Variants in AUTS2 observed in about 807,000 individuals in gnomAD.
AUTS2 encodes the protein autism susceptibility gene 2 protein.
In AUTS2, 17 loss-of-function variants were observed where a neutral mutation model predicts 112.4. The ratio of observed to expected loss-of-function variants is 0.15; its 90% CI spans 0.10 to 0.23. The LOEUF is 0.23. Among genes scored for constraint, AUTS2 ranks in the 10% least tolerant of loss-of-function variants. The probability of loss-of-function intolerance (pLI) is 1.00; values close to 1 mark genes in which losing one functional copy is unlikely to be tolerated. For synonymous variants in AUTS2, 751 were observed against 702.7 expected (o/e 1.07, Z -1.09); for missense variants, 1,510 against 1,701.6 (o/e 0.89, Z 1.98).
At chr7:69,740,929 A>G (rs1005932634) in intron 1 of AUTS2, among the ~76,000 whole-genome samples, 11 of 152,308 alleles carry the variant, frequency 7.2e-5, no homozygotes, top group African/African-American at 2.2e-4. Context: ...ATTTTTAGGC[A>G]AAATTTAAAG....
chr7:70,077,750 G>A (rs556622010), intron 2 of AUTS2, among the ~76,000 whole-genome samples: 6 of 152,158 alleles, frequency 3.9e-5, no homozygotes, highest in African/African-American at 1.2e-4. Context: ...AAGAGTGGAA[G>A]CCATCAGGCT....
chr7:70,568,529 T>G lies in AUTS2; in HGVS notation c.691-130040T>G, dbSNP rs538911233. Among the ~76,000 whole-genome samples the G allele has an allele frequency of 2.0e-5, 3 of 152,132 alleles. No homozygotes were observed. In the East Asian group the frequency reaches 5.8e-4, roughly 29 times the overall value. On this transcript the variant is annotated intron_variant, in intron 5 of 18. Coordinates refer to ENST00000342771, the MANE Select transcript of AUTS2 (RefSeq NM_015570.4). ...GAAGAGCCAGGGCAATTGGATGCAC[T>G]TTGGGGGAAAAAAAAATCACTTGCC...
At chr7:70,020,865 C>G (rs1196654426) in intron 2 of AUTS2, among the ~76,000 whole-genome samples, 1 of 152,058 alleles carries the variant, frequency 6.6e-6, no homozygotes, top group Non-Finnish European at 1.5e-5. Flanking sequence ...GAGACAAGGT[C>G]TTGCCATTCT....
chr7:70,411,686 A>C (rs1412198013), intron 4 of AUTS2, among the ~76,000 whole-genome samples: 2 of 152,208 alleles, frequency 1.3e-5, no homozygotes, highest in East Asian at 3.8e-4. Flanking sequence ...AGATATTTTC[A>C]CAGTGTTAAT....
At chr7:70,216,960 A>G (rs1811198524) in intron 4 of AUTS2, among the ~76,000 whole-genome samples, 1 of 152,114 alleles carries the variant, frequency 6.6e-6, no homozygotes, top group Admixed American at 6.5e-5. Context: ...CCCAGGCTGG[A>G]GTGCAGTGGC....
At chr7:70,267,073 A>G (rs899924606) in intron 4 of AUTS2, among the ~76,000 whole-genome samples, 5 of 152,332 alleles carry the variant, frequency 3.3e-5, no homozygotes, top group African/African-American at 7.2e-5. Context: ...ATCAAATCAT[A>G]TCTGCTTTTT....
intron 4 of AUTS2, among the ~76,000 whole-genome samples, chr7:70,375,828 C>T (rs1157733450): frequency 6.6e-6 from 1 of 152,090 alleles, no homozygotes; most frequent in African/African-American, 2.4e-5. Context: ...CTACCTAAGT[C>T]TGTCTTTCTG....
At chr7:69,707,438 A>C (rs1234530830) in intron 1 of AUTS2, among the ~76,000 whole-genome samples, 2 of 152,200 alleles carry the variant, frequency 1.3e-5, no homozygotes, top group Non-Finnish European at 2.9e-5. Context: ...GATTGCTTGA[A>C]GGGTATGCAG....
chr7:69,932,877 T>G (rs1584461599), intron 2 of AUTS2, among the ~76,000 whole-genome samples: 1 of 152,356 alleles, frequency 6.6e-6, no homozygotes, highest in South Asian at 2.1e-4. Flanking sequence ...AGCAGAATTA[T>G]ACATGGGATG....
At chr7:69,999,353 C>T (rs76686267) in intron 2 of AUTS2, among the ~76,000 whole-genome samples, 207 of 152,260 alleles carry the variant, frequency 1.4e-3, no homozygotes, top group Non-Finnish European at 2.4e-3. Flanking sequence ...CATGCTTCAT[C>T]TGGTCCTGCT....
At chr7:70,461,784 C>T (rs922399615) in intron 5 of AUTS2, among the ~76,000 whole-genome samples, 1 of 152,166 alleles carries the variant, frequency 6.6e-6, no homozygotes. Flanking sequence ...AGTTGCCTGT[C>T]ATTTCTCAGG....
At chr7:69,701,072 C>G (rs1254363708) in intron 1 of AUTS2, among the ~76,000 whole-genome samples, 2 of 152,110 alleles carry the variant, frequency 1.3e-5, no homozygotes, top group Admixed American at 1.3e-4. Flanking sequence ...AGATGTATCA[C>G]CTCGGACAAG....
chr7:70,682,528 T>C (rs1939476059), intron 5 of AUTS2, among the ~76,000 whole-genome samples: 1 of 152,260 alleles, frequency 6.6e-6, no homozygotes, highest in Admixed American at 6.5e-5. Context: ...TTTCTCGAAC[T>C]TCAAAGTCCT....
chr7:69,977,696 T>C (rs1408292653), intron 2 of AUTS2, among the ~76,000 whole-genome samples: 1 of 152,186 alleles, frequency 6.6e-6, no homozygotes, highest in Non-Finnish European at 1.5e-5. Context: ...TTCCCTCTTT[T>C]CTGATTCTTT....
intron 4 of AUTS2, among the ~76,000 whole-genome samples, chr7:70,257,566 C>T (rs1786946979): frequency 1.3e-5 from 2 of 151,946 alleles, no homozygotes; most frequent in African/African-American, 4.8e-5. Context: ...GAGCCGACCG[C>T]CTCGACCTGC....
At chr7:70,549,016 A>G (rs1800911706) in intron 5 of AUTS2, among the ~76,000 whole-genome samples, 1 of 151,858 alleles carries the variant, frequency 6.6e-6, no homozygotes, top group Non-Finnish European at 1.5e-5. Flanking sequence ...CCTTTTTAAC[A>G]ATATTGAGTC....
At chr7:69,730,185 G>C (rs1786728593) in intron 1 of AUTS2, among the ~76,000 whole-genome samples, 2 of 151,058 alleles carry the variant, frequency 1.3e-5, no homozygotes, top group Middle Eastern at 3.4e-3. Context: ...TTTTTTCCAA[G>C]TTTTTTCTTT....
chr7:69,651,091 A>T (rs1307031300), intron 1 of AUTS2, among the ~76,000 whole-genome samples: 1 of 152,188 alleles, frequency 6.6e-6, no homozygotes, highest in Non-Finnish European at 1.5e-5. Flanking sequence ...GGGAATGCAG[A>T]TTTGGTTCAG....
intron 4 of AUTS2, among the ~76,000 whole-genome samples, chr7:70,321,031 A>G (rs1342508473): frequency 6.6e-6 from 1 of 152,218 alleles, no homozygotes; most frequent in Non-Finnish European, 1.5e-5. Context: ...TATCTTAACA[A>G]CATGACGACA....
Sources: gnomAD v4.1 joint callset for allele counts (sites outside exome capture counted in the v4.1 genomes callset) on GRCh38, gnomAD v4.1.1 for gene constraint, MANE v1.5 for transcripts, NCBI Gene and HGNC (gene_info 2026-07-23, HGNC 2026-07-21) for gene names.